Variants in COG5 observed in about 807,000 individuals in gnomAD.
The protein encoded by COG5 is component of oligomeric golgi complex 5.
Under a neutral mutation model 110.4 loss-of-function variants are expected in COG5, and 86 were observed. The observed-to-expected ratio is 0.78, with a 90% CI of 0.65 to 0.93. COG5 has a LOEUF of 0.93. Ranked by LOEUF, COG5 falls within the 40% of genes least tolerant of loss-of-function variation. The probability of loss-of-function intolerance (pLI) is 0.00; values close to 1 mark genes in which losing one functional copy is unlikely to be tolerated. For synonymous variants in COG5, 360 were observed against 334.6 expected (o/e 1.08, Z -0.83); for missense variants, 1,077 against 987.0 (o/e 1.09, Z -1.22).
intron 1 of COG5, among the ~76,000 whole-genome samples, chr7:107,562,200 AAAG>A (rs1485466079): frequency 1.3e-5 from 2 of 152,234 alleles, no homozygotes; most frequent in Non-Finnish European, 2.9e-5. Flanking sequence ...TGAAAAGGGT[AAAG>A]AAGATTTAAA....
At chr7:107,439,910 T>C (rs1794604478) in intron 6 of COG5, among the ~76,000 whole-genome samples, 1 of 152,210 alleles carries the variant, frequency 6.6e-6, no homozygotes, top group African/African-American at 2.4e-5. Context: ...GAGGCAGGCC[T>C]ATGATTCTGC....
chr7:107,431,107 A>T (rs1365544783), intron 6 of COG5, among the ~76,000 whole-genome samples: 2 of 152,192 alleles, frequency 1.3e-5, no homozygotes, highest in African/African-American at 4.8e-5. Context: ...AGTCCCTTAA[A>T]ACTCATTTCA....
intron 7 of COG5, among the ~76,000 whole-genome samples, chr7:107,412,030 A>T (rs546181671): frequency 1.3e-5 from 2 of 152,308 alleles, no homozygotes; most frequent in African/African-American, 2.4e-5. Context: ...CATAATGATT[A>T]AGAGTGCAAA....
At chr7:107,448,738 G>T (rs1225619218) in intron 6 of COG5, among the ~76,000 whole-genome samples, 1 of 152,014 alleles carries the variant, frequency 6.6e-6, no homozygotes, top group Non-Finnish European at 1.5e-5. Flanking sequence ...GAAATGTGCA[G>T]GTCCACATAT....
At chr7:107,272,521 C>CT (rs1166333544) in intron 14 of COG5, among the ~76,000 whole-genome samples, 1 of 152,174 alleles carries the variant, frequency 6.6e-6, no homozygotes, top group Non-Finnish European at 1.5e-5. Flanking sequence ...AATAAACTTT[C>CT]TAAATTAACT....
chr7:107,280,433 A>G (rs1335521642), intron 14 of COG5, among the ~76,000 whole-genome samples: 2 of 152,056 alleles, frequency 1.3e-5, no homozygotes. Context: ...AAAAATTATC[A>G]CAGAACAAAC....
In COG5 at chr7:107,375,013, A is replaced by G. The variant is rs75762040; in HGVS notation, c.670-2253T>C. ...AGCTAAGTATTATCAGCACCTTTGA[A>G]TCTTGTGTAGCTCCCCAAACTGCAC... is the stretch of plus-strand genomic sequence containing the variant. On this transcript the variant is annotated intron_variant, in intron 7 of 21. Transcript: ENST00000297135. Among the ~76,000 whole-genome samples, 358 of 152,166 alleles carry G rather than the reference A, an allele frequency of 2.4e-3. 4 individuals carry two copies. The East Asian group carries it at 0.03, about 13-fold the overall frequency.
chr7:107,318,467 C>T (rs1306164824), intron 11 of COG5, among the ~76,000 whole-genome samples: 1 of 152,152 alleles, frequency 6.6e-6, no homozygotes, highest in Non-Finnish European at 1.5e-5. Flanking sequence ...AGTGATAAAG[C>T]ACATTTTAAA....
chr7:107,218,406 T>C (rs1799671857), intron 19 of COG5, among the ~76,000 whole-genome samples: 1 of 152,026 alleles, frequency 6.6e-6, no homozygotes, highest in African/African-American at 2.4e-5. Context: ...CAATCATAAG[T>C]AAAAATAACA....
At chr7:107,339,257 A>G (rs1810978994) in intron 10 of COG5, among the ~76,000 whole-genome samples, 1 of 152,154 alleles carries the variant, frequency 6.6e-6, no homozygotes. Context: ...TAATCCAACA[A>G]CAGTAAAAAA....
chr7:107,392,587 A>G (rs1442217760), intron 7 of COG5, among the ~76,000 whole-genome samples: 2 of 152,000 alleles, frequency 1.3e-5, no homozygotes, highest in Non-Finnish European at 2.9e-5. Flanking sequence ...AAGTAGAATG[A>G]CCAATGAGTT....
At chr7:107,534,939 T>C (rs1801471877) in intron 5 of COG5, among the ~76,000 whole-genome samples, 1 of 151,430 alleles carries the variant, frequency 6.6e-6, no homozygotes, top group South Asian at 2.1e-4. Context: ...CCTCAGGAAA[T>C]GTAAAAGAAT....
At chr7:107,513,335 A>G (rs62483684) in intron 6 of COG5, among the ~76,000 whole-genome samples, 1 of 152,026 alleles carries the variant, frequency 6.6e-6, no homozygotes, top group Non-Finnish European at 1.5e-5. Context: ...ATGCAAATCA[A>G]AACCACAATG....
Position 107,446,952 on chromosome 7 carries a change from G to C in COG5, c.539-34320C>G, listed in dbSNP as rs77707131. On this transcript the variant is annotated intron_variant, in intron 6 of 21. Transcript: ENST00000297135. ...CTCAGTTCTGTAGGTTAGAAGTCCA[G>C]TGGGCTCAATTGGCTTTTTCTGCTC... 8.0e-4 allele frequency among the ~76,000 whole-genome samples: 122 copies of C among 152,320 alleles called. No homozygotes were observed. In the East Asian group the frequency reaches 0.017, roughly 21 times the overall value.
intron 6 of COG5, among the ~76,000 whole-genome samples, chr7:107,445,490 GAGACTA>G (rs1397140371): frequency 3.3e-5 from 5 of 152,138 alleles, no homozygotes; most frequent in Non-Finnish European, 5.9e-5. Flanking sequence ...CAACACATAA[GAGACTA>G]CTATTTACAA....
intron 19 of COG5, among the ~76,000 whole-genome samples, chr7:107,216,429 C>A (rs1047270544): frequency 5.3e-5 from 8 of 152,194 alleles, no homozygotes; most frequent in Non-Finnish European, 1.2e-4. Context: ...CATATTCTAT[C>A]CAACAGCAAG....
At chr7:107,318,760 C>A (rs911946984) in intron 11 of COG5, among the ~76,000 whole-genome samples, 6 of 152,168 alleles carry the variant, frequency 3.9e-5, no homozygotes, top group South Asian at 2.1e-4. Context: ...GATCAGGGCC[C>A]ACCCTTGTGA....
rs1262175069 is a variant in COG5, at chr7:107,236,548, T to C, written c.1993A>G (p.Ile665Val). The change falls in exon 18 of 22, where the codon ATT (isoleucine) becomes GTT (valine). Residue 665 changes from isoleucine (I) to valine (V), a missense_variant. Ile to Val is a conservative substitution (Grantham distance 29). Transcript: ENST00000297135. ...AAAAGTTCAACAGCTCTTTGGGCAA[T>C]AGCCTCAGTGTTGTCAAAGACAAAA... ...LDFVFDNTEA[I>V]AQRAVELFIR... 9.3e-6 allele frequency: 15 copies of C among 1,614,130 alleles called. No individual in the cohort carries two copies. The highest frequency in any genetic ancestry group is 1.7e-5 in the Admixed American group (1 of 60,026).
intron 6 of COG5, among the ~76,000 whole-genome samples, chr7:107,506,717 C>T (rs957537516): frequency 1.5e-4 from 23 of 152,194 alleles, no homozygotes; most frequent in African/African-American, 4.6e-4. Flanking sequence ...GCCTTCCCTG[C>T]GGGAAAACAG....
Sources: gnomAD v4.1 joint callset for allele counts (sites outside exome capture counted in the v4.1 genomes callset) on GRCh38, gnomAD v4.1.1 for gene constraint, MANE v1.5 for transcripts, NCBI Gene and HGNC (gene_info 2026-07-23, HGNC 2026-07-21) for gene names.